Variants in ANK2 observed in about 807,000 individuals in gnomAD.
ANK2 encodes ankyrin 2.
Under a neutral mutation model 360.5 loss-of-function variants are expected in ANK2, and 83 were observed. The observed-to-expected ratio is 0.23, with a 90% CI of 0.19 to 0.28. The LOEUF (loss-of-function observed/expected upper bound fraction) is 0.28. ANK2 is among the 10% of genes least tolerant of loss of function. The probability of loss-of-function intolerance (pLI) is 1.00; values close to 1 mark genes in which losing one functional copy is unlikely to be tolerated. For synonymous variants in ANK2, 1,740 were observed against 1,759.5 expected, an observed-to-expected ratio of 0.99 and a Z score of 0.28; for missense variants, 4,201 against 4,795.7, an observed-to-expected ratio of 0.88 and a Z score of 3.66.
chr4:112,952,210 C>T (rs2095067458), intron 2 of ANK2, among the ~76,000 whole-genome samples: 1 of 152,172 alleles, frequency 6.6e-6, no homozygotes, highest in Non-Finnish European at 1.5e-5. Flanking sequence ...AGTATTTTCA[C>T]TTTGCATATG....
intron 1 of ANK2, among the ~76,000 whole-genome samples, 163 bp from the exon 2 acceptor site, chr4:113,174,253 T>A (rs1017526887): frequency 6.6e-6 from 1 of 152,254 alleles, no homozygotes; most frequent in Non-Finnish European, 1.5e-5. Context: ...GTGAAGTTGC[T>A]ACCTTATATA....
At chr4:112,741,952 A>T in the ANK2 span, among the ~76,000 whole-genome samples, 1 of 152,194 alleles carries the variant, frequency 6.6e-6, no homozygotes, top group Non-Finnish European at 1.5e-5. Context: ...GATGTTGAGT[A>T]CTTGGCCCCT....
chr4:112,822,259 A>C (rs13109854), intron 1 of ANK2, among the ~76,000 whole-genome samples: 50,681 of 122,788 alleles, frequency 0.41, 8,933 homozygotes, highest in East Asian at 0.81. Context: ...AAAAAAAAAA[A>C]AAACAAAAAT....
the ANK2 span, among the ~76,000 whole-genome samples, chr4:112,741,138 A>C: frequency 2.6e-5 from 4 of 152,184 alleles, no homozygotes; most frequent in African/African-American, 9.6e-5. Context: ...CAAAAGTATT[A>C]TTCTCTTAAT....
At chr4:112,976,480 G>A (rs527806450) in intron 2 of ANK2, among the ~76,000 whole-genome samples, 243 of 152,162 alleles carry the variant, frequency 1.6e-3, no homozygotes, top group African/African-American at 5.0e-3. Context: ...GGCGTGAGCC[G>A]TGGCACCCAG....
intron 2 of ANK2, among the ~76,000 whole-genome samples, chr4:113,181,291 C>G (rs1012628482): frequency 6.6e-6 from 1 of 152,152 alleles, no homozygotes; most frequent in Non-Finnish European, 1.5e-5. Context: ...TGGAAATTCT[C>G]TTGAACACTC....
chr4:112,738,996 A>T, the ANK2 span: 1 of 670,802 alleles, frequency 1.5e-6, no homozygotes, highest in Admixed American at 1.9e-5. Flanking sequence ...TACTGTGCTG[A>T]GGTCGCTCAC....
At chr4:113,213,641 C>T (rs1172113449) in intron 4 of ANK2, among the ~76,000 whole-genome samples, 1 of 151,888 alleles carries the variant, frequency 6.6e-6, no homozygotes, top group African/African-American at 2.4e-5. Context: ...GCAAATATGC[C>T]CTCTGGAATC....
chr4:113,182,440 A>T (rs1025813379), intron 2 of ANK2, among the ~76,000 whole-genome samples: 3 of 152,196 alleles, frequency 2.0e-5, no homozygotes, highest in Non-Finnish European at 4.4e-5. Flanking sequence ...GTGTTACTGC[A>T]TGAGGTCACC....
At chr4:113,261,183 A>T (rs771576174) in intron 13 of ANK2, among the ~76,000 whole-genome samples, 1 of 152,066 alleles carries the variant, frequency 6.6e-6, no homozygotes, top group Admixed American at 6.6e-5. Flanking sequence ...TCACGTATAG[A>T]CATTTTTTTT....
In ANK2 at chr4:113,363,423, T is replaced by G. The variant is rs2096347392; in HGVS notation, c.10842T>G (p.His3614Gln). The G allele has an allele frequency of 6.2e-7, 1 of 1,613,598 alleles. No individual in the cohort carries two copies. ...ENPNSLQDQS[H>Q]ALLKYWLERD... Reference sequence around the variant, plus strand: ...CCAACTCTCTTCAAGACCAGAGTCATGCACTGTTGAAGTACTGGCTAGAGA... The same window carrying G: ...CCAACTCTCTTCAAGACCAGAGTCAGGCACTGTTGAAGTACTGGCTAGAGA... Residue 3614 changes from histidine to glutamine, a missense_variant, in exon 40 of 46, where the codon CAT becomes CAG. By Grantham distance (24) the His-to-Gln change is conservative. This residue lies in a region of ANK2 where 2,642 missense variants were observed against 2,714.5 expected (regional missense o/e 0.97). Coordinates refer to ENST00000357077, the MANE Select transcript of ANK2 (RefSeq NM_001148.6).
At chr4:112,962,666 G>T (rs141959099) in intron 2 of ANK2, among the ~76,000 whole-genome samples, 1 of 152,054 alleles carries the variant, frequency 6.6e-6, no homozygotes. Context: ...CACTAACAGC[G>T]CATAAGTGTT....
chr4:113,030,416 A>G (rs10155397), intron 2 of ANK2, among the ~76,000 whole-genome samples: 87,177 of 151,910 alleles, frequency 0.57, 26,468 homozygotes, highest in Middle Eastern at 0.73. Flanking sequence ...GTTTGGGGCT[A>G]CCTGATTAGG....
chr4:112,984,617 G>T, intron 2 of ANK2, among the ~76,000 whole-genome samples: 1 of 152,170 alleles, frequency 6.6e-6, no homozygotes, highest in East Asian at 1.9e-4. Context: ...GCGGGGTAGA[G>T]ATCTGAGCCA....
chr4:112,936,765 A>G (rs2093763135), intron 2 of ANK2, among the ~76,000 whole-genome samples: 1 of 152,018 alleles, frequency 6.6e-6, no homozygotes, highest in Non-Finnish European at 1.5e-5. Context: ...TACTATACCA[A>G]TAAAGTTTAT....
At position 113,263,187 on chromosome 4, in the gene ANK2, GA is replaced by G. The variant is rs762758720; in HGVS notation, c.1387-1689del. Among the ~76,000 whole-genome samples the G allele has an allele frequency of 9.8e-3, 621 of 63,624 alleles. 4 individuals carry two copies. The highest frequency in any genetic ancestry group is 0.025 in the African/African-American group (424 of 17,126). 41.7% of individuals were successfully genotyped at this position (63,624 alleles called of 152,430 possible). On this transcript the variant is annotated intron_variant, in intron 13 of 45. Coordinates refer to ENST00000357077, the MANE Select transcript of ANK2 (RefSeq NM_001148.6). ...TGGGAAACAGAGCAAGACTCTGTCTGAAAAAAAAAAAAAAAAAAAAAGAAGA... is the reference window on the plus strand; with the variant it reads ...TGGGAAACAGAGCAAGACTCTGTCTGAAAAAAAAAAAAAAAAAAAAGAAGA...
chr4:113,099,373 T>C (rs2092388374), intron 1 of ANK2, among the ~76,000 whole-genome samples: 1 of 151,854 alleles, frequency 6.6e-6, no homozygotes, highest in Non-Finnish European at 1.5e-5. Context: ...CAATGAGCAA[T>C]TGGAATTGGA....
At chr4:113,237,350 A>G (rs2099391502) in intron 6 of ANK2, among the ~76,000 whole-genome samples, 178 bp downstream of exon 6, 1 of 152,238 alleles carries the variant, frequency 6.6e-6, no homozygotes, top group African/African-American at 2.4e-5. Flanking sequence ...AATTAAATGC[A>G]AGATAATTTT....
chr4:113,264,897 C>G lies in ANK2; in HGVS notation c.1387C>G (p.Arg463Gly). 6.4e-7 allele frequency: 1 copy of G among 1,560,020 alleles called. No individual in the cohort carries two copies. The highest frequency in any genetic ancestry group is 8.7e-7 in the Non-Finnish European group (1 of 1,151,084). The change falls in exon 14 of 46, where the codon CGT (arginine) becomes GGT (glycine). Residue 463 changes from arginine to glycine, a missense_variant and splice_region_variant. By Grantham distance (125) the Arg-to-Gly change is moderately radical. Coordinates refer to ENST00000357077, the MANE Select transcript of ANK2 (RefSeq NM_001148.6). ...TTTGACGATCTTTGTTCCCTGGCAGCGTGGTGAGACGGCACTACACATGGC... is the reference window on the plus strand; with the variant it reads ...TTTGACGATCTTTGTTCCCTGGCAGGGTGGTGAGACGGCACTACACATGGC... Reference protein sequence around the residue: ...NGASPDVTNIRGETALHMAAR... With the variant: ...NGASPDVTNIGGETALHMAAR...
Sources: gnomAD v4.1 joint callset for allele counts (sites outside exome capture counted in the v4.1 genomes callset) on GRCh38, gnomAD v4.1.1 for gene constraint, gnomAD v4.1.1 regional missense constraint, MANE v1.5 for transcripts, NCBI Gene and HGNC (gene_info 2026-07-23, HGNC 2026-07-21) for gene names.